NLGN1: variants seen among roughly 807,000 people sequenced by gnomAD.
NLGN1 encodes the protein neuroligin-1.
NLGN1 carries 12 observed loss-of-function variants against 65.5 expected under a neutral mutation model. The observed-to-expected ratio is 0.18, with a 90% CI of 0.12 to 0.30. The LOEUF (loss-of-function observed/expected upper bound fraction) is 0.30. Among genes scored for constraint, NLGN1 ranks in the 10% least tolerant of loss-of-function variants. NLGN1 has a pLI of 1.00. For missense variants in NLGN1, 750 were observed against 1,007.1 expected, an observed-to-expected ratio of 0.74 and a Z score of 3.46; for synonymous variants, 350 against 359.5, an observed-to-expected ratio of 0.97 and a Z score of 0.30.
intron 3 of NLGN1, among the ~76,000 whole-genome samples, chr3:173,745,188 C>A (rs146177752): frequency 6.6e-6 from 1 of 152,080 alleles, no homozygotes; most frequent in East Asian, 1.9e-4. Context: ...TTTCTGTGCT[C>A]AGAGATGCCT....
chr3:173,729,928 A>G (rs1356510710), intron 3 of NLGN1, among the ~76,000 whole-genome samples: 1 of 151,906 alleles, frequency 6.6e-6, no homozygotes, highest in Non-Finnish European at 1.5e-5. Flanking sequence ...CAGATATTTC[A>G]CCTATGGGAC....
rs532757472 is a variant in NLGN1, at chr3:173,580,992, C to T, written c.-320-23287C>T. Among the ~76,000 whole-genome samples the T allele has an allele frequency of 3.3e-5, 5 of 152,042 alleles. No individual in the cohort carries two copies. In the South Asian group the frequency reaches 8.3e-4, roughly 25 times the overall value. On this transcript the variant is annotated intron_variant, in intron 2 of 6. Transcript: ENST00000457714. ...AAGTGTTTGCTGAAAGAATGTCAGCCTCTCCAAATTTCAGAAATATAATGG... is the reference window on the plus strand; with the variant it reads ...AAGTGTTTGCTGAAAGAATGTCAGCTTCTCCAAATTTCAGAAATATAATGG...
chr3:174,008,937 C>A (rs1028101448), intron 4 of NLGN1, among the ~76,000 whole-genome samples: 6 of 151,998 alleles, frequency 3.9e-5, no homozygotes, highest in Admixed American at 6.6e-5. Context: ...GTACTATATT[C>A]TGTGTTTGAC....
chr3:174,187,961 A>G (rs1442097407), intron 4 of NLGN1, among the ~76,000 whole-genome samples: 2 of 152,064 alleles, frequency 1.3e-5, no homozygotes, highest in African/African-American at 2.4e-5. Context: ...AGTACTCATT[A>G]CATGTTTATT....
chr3:174,269,582 A>T (rs1577712726), intron 4 of NLGN1, among the ~76,000 whole-genome samples: 1 of 151,936 alleles, frequency 6.6e-6, no homozygotes. Context: ...TTTTCTTTAT[A>T]CATTGATCTG....
chr3:173,838,315 T>A (rs1368827133), intron 4 of NLGN1, among the ~76,000 whole-genome samples: 1 of 152,164 alleles, frequency 6.6e-6, no homozygotes, highest in Non-Finnish European at 1.5e-5. Context: ...ATAAAATAGA[T>A]ATGATAACCA....
chr3:173,713,540 A>G (rs1468885896), intron 3 of NLGN1, among the ~76,000 whole-genome samples: 1 of 152,110 alleles, frequency 6.6e-6, no homozygotes, highest in African/African-American at 2.4e-5. Flanking sequence ...TTTTGAAAAT[A>G]TATATGTAAA....
In NLGN1 at chr3:174,014,182, G is replaced by A. The variant is rs556459713; in HGVS notation, c.646+206350G>A. On this transcript the variant is annotated intron_variant, in intron 4 of 6. Transcript: ENST00000457714. ...GAAAATAACCCAAGCCCCAAGCCCC[G>A]TGAAACATATAAAAAGAAAAAATAG... Among the ~76,000 whole-genome samples, 4 of 152,136 alleles carry A rather than the reference G, an allele frequency of 2.6e-5. No homozygotes were observed. In the East Asian group the frequency reaches 5.8e-4, roughly 22 times the overall value.
intron 2 of NLGN1, among the ~76,000 whole-genome samples, chr3:173,559,668 A>T (rs546613886): frequency 6.6e-6 from 1 of 152,212 alleles, no homozygotes; most frequent in African/African-American, 2.4e-5. Context: ...TCAAATCTCA[A>T]TTTTTAAGGC....
chr3:173,453,775 AGACTT>A (rs1722040096), intron 2 of NLGN1, among the ~76,000 whole-genome samples: 1 of 152,128 alleles, frequency 6.6e-6, no homozygotes, highest in Non-Finnish European at 1.5e-5. Context: ...CCTCCACTGA[AGACTT>A]GACCTCTCAA....
intron 4 of NLGN1, among the ~76,000 whole-genome samples, chr3:173,839,325 T>C (rs1724300608): frequency 6.6e-6 from 1 of 152,140 alleles, no homozygotes; most frequent in South Asian, 2.1e-4. Context: ...TCTTAAACAA[T>C]GAGTTTTCAC....
intron 3 of NLGN1, among the ~76,000 whole-genome samples, chr3:173,673,428 TA>T (rs1762718058): frequency 6.6e-6 from 1 of 152,180 alleles, no homozygotes; most frequent in Non-Finnish European, 1.5e-5. Flanking sequence ...GAGTATACAT[TA>T]AAAGGAGAGG....
intron 4 of NLGN1, among the ~76,000 whole-genome samples, chr3:173,976,267 G>A (rs973409043): frequency 9.9e-5 from 15 of 151,976 alleles, no homozygotes; most frequent in African/African-American, 3.1e-4. Flanking sequence ...TTGGCTATAG[G>A]ATAAACTATT....
chr3:173,959,245 G>A (rs1284674541), intron 4 of NLGN1, among the ~76,000 whole-genome samples: 1 of 152,224 alleles, frequency 6.6e-6, no homozygotes, highest in African/African-American at 2.4e-5. Context: ...TACCTGCTCT[G>A]TGGAGCCCAC....
chr3:174,102,328 A>G (rs1247369164), intron 4 of NLGN1, among the ~76,000 whole-genome samples: 2 of 152,168 alleles, frequency 1.3e-5, no homozygotes, highest in Admixed American at 6.6e-5. Context: ...TCTTAAAACT[A>G]AAGTCGAAAT....
intron 3 of NLGN1, among the ~76,000 whole-genome samples, chr3:173,679,088 A>G (rs555066316): frequency 3.9e-5 from 6 of 151,950 alleles, no homozygotes; most frequent in African/African-American, 1.4e-4. Context: ...TGTCAGTGCA[A>G]AGATTTTTCA....
intron 4 of NLGN1, among the ~76,000 whole-genome samples, chr3:174,273,395 A>G (rs1422019988): frequency 6.6e-6 from 1 of 151,722 alleles, no homozygotes; most frequent in Non-Finnish European, 1.5e-5. Context: ...TCATGCCAAT[A>G]GTCTGTCTTT....
chr3:173,936,055 G>A (rs1745019273), intron 4 of NLGN1, among the ~76,000 whole-genome samples: 1 of 151,476 alleles, frequency 6.6e-6, no homozygotes, highest in Non-Finnish European at 1.5e-5. Flanking sequence ...CATGGATTCT[G>A]TTGTGCAAAG....
chr3:173,826,609 C>T (rs574864949), intron 4 of NLGN1, among the ~76,000 whole-genome samples: 26 of 152,118 alleles, frequency 1.7e-4, no homozygotes, highest in South Asian at 1.7e-3. Flanking sequence ...TCTGAAACTA[C>T]GGGCTTCTGC....
Sources: allele counts gnomAD v4.1 joint callset (sites outside exome capture counted in the v4.1 genomes callset), GRCh38; gene constraint gnomAD v4.1.1; transcripts MANE v1.5; gene names NCBI Gene and HGNC (gene_info 2026-07-23, HGNC 2026-07-21).